The following TLN2 variants were observed in gnomAD, a reference collection of about 807,000 sequenced individuals.
The protein encoded by TLN2 is talin 2, also known as talin-2.
TLN2 carries 118 observed loss-of-function variants against 294.7 expected under a neutral mutation model. That is an observed-to-expected ratio of 0.40 (90% confidence interval 0.34 to 0.47). The LOEUF is 0.47. Among genes scored for constraint, TLN2 ranks in the 20% least tolerant of loss-of-function variants. The pLI is 0.84. For synonymous variants in TLN2, 1,431 were observed against 1,304.5 expected, an observed-to-expected ratio of 1.10 and a Z score of -2.09; for missense variants, 3,083 against 3,282.2, an observed-to-expected ratio of 0.94 and a Z score of 1.48.
chr15:62,724,131 G>A (rs908603964), intron 26 of TLN2, among the ~76,000 whole-genome samples: 5 of 152,156 alleles, frequency 3.3e-5, no homozygotes, highest in African/African-American at 1.2e-4. Flanking sequence ...CTGGGCAACA[G>A]AGTGAGACTC....
chr15:62,740,446 C>G lies in TLN2; in HGVS notation c.3886-184C>G, dbSNP rs565329417. The G allele has an allele frequency of 1.6e-4, 111 of 681,660 alleles. No homozygotes were observed. In the East Asian group the frequency reaches 2.2e-3, roughly 14 times the overall value. 42.2% of individuals were successfully genotyped at this position (681,660 alleles called of 1,614,324 possible). On this transcript the variant is annotated intron_variant, in intron 31 of 58. Transcript: ENST00000636159. Reference sequence around the variant, plus strand: ...GTGGCATGCATCTTGATCTGAGCATCTGTTTGGAGAAGGGTAGACACTGGT... The same window carrying G: ...GTGGCATGCATCTTGATCTGAGCATGTGTTTGGAGAAGGGTAGACACTGGT...
intron 37 of TLN2, among the ~76,000 whole-genome samples, chr15:62,755,908 G>A (rs2062218046): frequency 6.6e-6 from 1 of 152,218 alleles, no homozygotes; most frequent in Admixed American, 6.5e-5. Flanking sequence ...CTTTTAGATG[G>A]TGGGGAAGGA....
intron 55 of TLN2, 50 bp downstream of exon 55, chr15:62,833,679 C>T (rs1392575254): frequency 6.3e-7 from 1 of 1,583,560 alleles, no homozygotes; most frequent in Admixed American, 1.8e-5. Context: ...ACGAGAGCCT[C>T]AGGGGGCCCA....
At chr15:62,786,686 C>A (rs910399112) in intron 45 of TLN2, among the ~76,000 whole-genome samples, 2 of 152,066 alleles carry the variant, frequency 1.3e-5, no homozygotes, top group Non-Finnish European at 2.9e-5. Flanking sequence ...TTGTGAGAAC[C>A]ACAGCCCTTT....
chr15:62,650,259 C>T, intron 5 of TLN2, 78 bp downstream of exon 5: 1 of 1,441,104 alleles, frequency 6.9e-7, no homozygotes, highest in South Asian at 1.2e-5. Context: ...CACGGTTACG[C>T]TATTTTGATT....
intron 1 of TLN2, among the ~76,000 whole-genome samples, chr15:62,416,746 C>G (rs1016378290): frequency 6.6e-6 from 1 of 152,192 alleles, no homozygotes; most frequent in Admixed American, 6.5e-5. Context: ...AGGAGGGTGG[C>G]TTGAATGTCT....
chr15:62,737,416 C>T (rs2061084215), intron 29 of TLN2, among the ~76,000 whole-genome samples: 1 of 152,170 alleles, frequency 6.6e-6, no homozygotes, highest in Non-Finnish European at 1.5e-5. Flanking sequence ...CTGTTCCTTG[C>T]CAGGGAATGA....
rs778522506 is a variant in TLN2 at position 62,797,168 on chromosome 15, A to T, written c.6051-51A>T. Reference sequence around the variant, plus strand: ...ATTTCTTTTCTTCTTGAAGTAATCAAGCTTTGCCCTCTGTCTCTCCCCCTC... The same window carrying T: ...ATTTCTTTTCTTCTTGAAGTAATCATGCTTTGCCCTCTGTCTCTCCCCCTC... On this transcript the variant is annotated intron_variant, in intron 47 of 58. Coordinates refer to ENST00000636159, the MANE Select transcript of TLN2 (RefSeq NM_015059.3). 3.8e-6 allele frequency: 6 copies of T among 1,599,956 alleles called. No homozygotes were observed. In the Admixed American group the frequency reaches 1.0e-4, roughly 27 times the overall value.
chr15:62,424,760 C>G (rs2034606209), intron 1 of TLN2, among the ~76,000 whole-genome samples: 1 of 151,980 alleles, frequency 6.6e-6, no homozygotes, highest in Non-Finnish European at 1.5e-5. Flanking sequence ...TCAAGCAGTT[C>G]TCCTGCCTCA....
chr15:62,746,251 G>A (rs2061602469), intron 32 of TLN2, among the ~76,000 whole-genome samples: 1 of 152,140 alleles, frequency 6.6e-6, no homozygotes, highest in Non-Finnish European at 1.5e-5. Context: ...GTTGATATAT[G>A]CCAGCCTATC....
Position 62,689,846 on chromosome 15 carries a change from C to CTTTTTTTTTTTTTTTTTTTTTTTTT in TLN2, c.1114-2987_1114-2963dup, listed in dbSNP as rs1158144919. Among the ~76,000 whole-genome samples, 11 of 15,414 alleles carry CTTTTTTTTTTTTTTTTTTTTTTTTT rather than the reference C, an allele frequency of 7.1e-4. 4 individuals carry two copies. The highest frequency in any genetic ancestry group is 1.5e-3 in the Non-Finnish European group (10 of 6,514). The allele number at this position is 15,414 out of a possible 152,430, so 10.1% of individuals were successfully genotyped here. A position where few individuals can be genotyped will look rare whatever the true frequency, so the allele number is the denominator to read the frequency against. On this transcript the variant is annotated intron_variant, in intron 12 of 58. Coordinates refer to ENST00000636159, the MANE Select transcript of TLN2 (RefSeq NM_015059.3). ...TTTTCAAAATTCTTGGTATGGGCTT[C>CTTTTTTTTTTTTTTTTTTTTTTTTT]TTTTTTTTTTTTTTTTTTTTTTTTT...
intron 43 of TLN2, among the ~76,000 whole-genome samples, chr15:62,778,405 T>A (rs1177570965): frequency 6.6e-6 from 1 of 152,246 alleles, no homozygotes; most frequent in East Asian, 1.9e-4. Context: ...AAACCGTGTA[T>A]CTACCTAAGG....
chr15:62,703,226 C>T (rs1190675124), intron 19 of TLN2, among the ~76,000 whole-genome samples: 1 of 151,784 alleles, frequency 6.6e-6, no homozygotes, highest in Non-Finnish European at 1.5e-5. Context: ...CCTTAACCTC[C>T]TGAGTAGCTG....
intron 9 of TLN2, among the ~76,000 whole-genome samples, chr15:62,659,088 A>T (rs928980027): frequency 6.6e-6 from 1 of 152,190 alleles, no homozygotes; most frequent in South Asian, 2.1e-4. Context: ...GAATGTAGTC[A>T]TTCACCGGGT....
intron 34 of TLN2, among the ~76,000 whole-genome samples, chr15:62,751,619 T>C (rs1194203261): frequency 6.6e-6 from 1 of 152,214 alleles, no homozygotes; most frequent in Non-Finnish European, 1.5e-5. Context: ...AGTTCCATCA[T>C]TGTTGCCAAG....
chr15:62,728,154 C>T (rs1252307120), intron 28 of TLN2, among the ~76,000 whole-genome samples: 2 of 152,096 alleles, frequency 1.3e-5, no homozygotes, highest in East Asian at 3.9e-4. Context: ...CTCTCCTTCC[C>T]CAGAGTTAAA....
chr15:62,531,193 AATAG>A (rs2041024150), intron 1 of TLN2, among the ~76,000 whole-genome samples: 1 of 152,248 alleles, frequency 6.6e-6, no homozygotes, highest in African/African-American at 2.4e-5. Flanking sequence ...TCAACAGATG[AATAG>A]ATAAAGAAAA....
At chr15:62,761,272 G>T (rs951710649) in intron 37 of TLN2, among the ~76,000 whole-genome samples, 7 of 152,186 alleles carry the variant, frequency 4.6e-5, no homozygotes, top group Admixed American at 1.3e-4. Flanking sequence ...TTATTGTTTG[G>T]AAGAGAATAG....
rs759679956 is a variant in TLN2, at chr15:62,564,925, A to AAAAT, written c.-237-24761_-237-24760insAATA. Among the ~76,000 whole-genome samples, 238 of 80,592 alleles carry AAAAT rather than the reference A, an allele frequency of 3.0e-3. 2 individuals carry two copies. Among genetic ancestry groups the AAAAT allele is most frequent in the African/African-American group, 0.011 (234 of 21,000 alleles). The allele number at this position is 80,592 out of a possible 152,430, so 52.9% of individuals were successfully genotyped here. A position where few individuals can be genotyped will look rare whatever the true frequency, so the allele number is the denominator to read the frequency against. On this transcript the variant is annotated intron_variant, in intron 1 of 58. Coordinates refer to ENST00000636159, the MANE Select transcript of TLN2 (RefSeq NM_015059.3). ...CATCTCAAAAAAAAAAAAAAAAAAAAATATATATATATATATACTGCATTC... is the reference window on the plus strand; with the variant it reads ...CATCTCAAAAAAAAAAAAAAAAAAAAAAATATATATATATATATATACTGCATTC...
Sources: allele counts gnomAD v4.1 joint callset (sites outside exome capture counted in the v4.1 genomes callset), GRCh38; gene constraint gnomAD v4.1.1; transcripts MANE v1.5; gene names NCBI Gene and HGNC (gene_info 2026-07-23, HGNC 2026-07-21).